Variants in POU2AF2 observed in about 807,000 individuals in gnomAD.
POU2AF2 encodes the protein POU domain class 2-associating factor 2.
chr11:111,259,639 G>A, the POU2AF2 span, among the ~76,000 whole-genome samples: 1 of 152,134 alleles, frequency 6.6e-6, no homozygotes, highest in African/African-American at 2.4e-5. Flanking sequence ...TAAAGGGAAT[G>A]GCCAAAGGGG....
the POU2AF2 span, among the ~76,000 whole-genome samples, chr11:111,272,274 C>A: frequency 2.6e-5 from 4 of 152,250 alleles, no homozygotes; most frequent in Non-Finnish European, 5.9e-5. Flanking sequence ...CACCTCATCA[C>A]CACCCCAAAC....
chr11:111,260,062 T>C, the POU2AF2 span, among the ~76,000 whole-genome samples: 1 of 152,194 alleles, frequency 6.6e-6, no homozygotes, highest in Non-Finnish European at 1.5e-5. Flanking sequence ...TGAGGACCTA[T>C]TTCTGTCCCT....
At chr11:111,260,401 C>T in the POU2AF2 span, among the ~76,000 whole-genome samples, 2,120 of 152,250 alleles carry the variant, frequency 0.014, 50 homozygotes, top group African/African-American at 0.049. Context: ...CTGCTTTATA[C>T]GGCAGAATTT....
the POU2AF2 span, among the ~76,000 whole-genome samples, chr11:111,254,501 C>T: frequency 6.6e-6 from 1 of 152,258 alleles, no homozygotes; most frequent in Non-Finnish European, 1.5e-5. Flanking sequence ...GCCTTCTAAT[C>T]CTCTGAAGAC....
the POU2AF2 span, among the ~76,000 whole-genome samples, chr11:111,264,606 AC>A: frequency 2.7e-4 from 32 of 118,192 alleles, 6 homozygotes; most frequent in South Asian, 1.8e-3. Context: ...GAAGAAAGAG[AC>A]GAAAGAAAGA....
chr11:111,260,827 T>C, the POU2AF2 span, among the ~76,000 whole-genome samples: 1 of 152,228 alleles, frequency 6.6e-6, no homozygotes, highest in South Asian at 2.1e-4. Flanking sequence ...ATATTCTGCA[T>C]ATTCTGAAAA....
the POU2AF2 span, among the ~76,000 whole-genome samples, chr11:111,276,448 AAAAAAATATATATAT>A: frequency 3.0e-3 from 159 of 52,812 alleles, 4 homozygotes; most frequent in African/African-American, 7.2e-3. Flanking sequence ...AGAAAAAAAA[AAAAAAATATATATAT>A]ATATATATAT....
At chr11:111,283,998 G>T in the POU2AF2 span, 1 of 1,341,196 alleles carries the variant, frequency 7.5e-7, no homozygotes, top group Non-Finnish European at 1.0e-6. Flanking sequence ...CGTTTCCCAG[G>T]CAGAGACTCA....
the POU2AF2 span, among the ~76,000 whole-genome samples, chr11:111,268,565 G>T: frequency 7.6e-6 from 1 of 131,506 alleles, no homozygotes; most frequent in African/African-American, 2.8e-5. Flanking sequence ...ATGGAGTCTC[G>T]CTCTGTTGCC....
chr11:111,280,633 T>C, the POU2AF2 span, among the ~76,000 whole-genome samples: 3 of 152,184 alleles, frequency 2.0e-5, no homozygotes, highest in African/African-American at 7.2e-5. Flanking sequence ...CCTGTCTCTG[T>C]ATGGCAGTGC....
the POU2AF2 span, among the ~76,000 whole-genome samples, chr11:111,261,946 T>C: frequency 7.9e-5 from 12 of 152,230 alleles, no homozygotes; most frequent in African/African-American, 2.7e-4. Flanking sequence ...CCTTGATTTT[T>C]ACATGCTCTA....
At chr11:111,257,252 T>G in the POU2AF2 span, among the ~76,000 whole-genome samples, 1 of 152,230 alleles carries the variant, frequency 6.6e-6, no homozygotes, top group African/African-American at 2.4e-5. Flanking sequence ...CTGAGAATGT[T>G]GGCACCATGT....
chr11:111,257,198 C>A, the POU2AF2 span, among the ~76,000 whole-genome samples: 1 of 152,162 alleles, frequency 6.6e-6, no homozygotes, highest in Non-Finnish European at 1.5e-5. Context: ...GTACCTAGTG[C>A]AGGGGCTGAT....
At chr11:111,268,874 C>A in the POU2AF2 span, among the ~76,000 whole-genome samples, 1 of 151,930 alleles carries the variant, frequency 6.6e-6, no homozygotes, top group South Asian at 2.1e-4. Context: ...CTTCTCTTAG[C>A]TTTTTATTTC....
the POU2AF2 span, among the ~76,000 whole-genome samples, chr11:111,249,831 T>C: frequency 6.6e-6 from 1 of 152,234 alleles, no homozygotes; most frequent in African/African-American, 2.4e-5. Flanking sequence ...CGTGCACCCC[T>C]ACCGCTTGAA....
chr11:111,245,912 T>G, the POU2AF2 span: 7 of 398,628 alleles, frequency 1.8e-5, no homozygotes, highest in South Asian at 8.9e-4. Flanking sequence ...AATCCTAATT[T>G]TTATTTTTGA....
At chr11:111,251,550 T>G in the POU2AF2 span, among the ~76,000 whole-genome samples, 3 of 152,208 alleles carry the variant, frequency 2.0e-5, no homozygotes, top group African/African-American at 7.2e-5. Context: ...TTGTACTCAT[T>G]CCTTACCACT....
At chr11:111,282,934 G>A in the POU2AF2 span, among the ~76,000 whole-genome samples, 16 of 152,104 alleles carry the variant, frequency 1.1e-4, no homozygotes, top group East Asian at 1.2e-3. Context: ...ACTGAGCTAC[G>A]GGGTCAGAAA....
the POU2AF2 span, among the ~76,000 whole-genome samples, chr11:111,251,726 C>A: frequency 1.3e-5 from 2 of 152,316 alleles, no homozygotes; most frequent in East Asian, 1.9e-4. Flanking sequence ...TACTCTTCCC[C>A]CTCCCCTGCT....
Sources: allele counts gnomAD v4.1 joint callset (sites outside exome capture counted in the v4.1 genomes callset), GRCh38; gene constraint gnomAD v4.1.1; transcripts MANE v1.5; gene names NCBI Gene and HGNC (gene_info 2026-07-23, HGNC 2026-07-21).